The following EIF4G3 variants were observed in gnomAD, a reference collection of about 807,000 sequenced individuals.
The protein encoded by EIF4G3 is eIF-4-gamma 3.
EIF4G3 carries 34 observed loss-of-function variants against 186.4 expected under a neutral mutation model. That is an observed-to-expected ratio of 0.18 (90% CI 0.14 to 0.24). EIF4G3 has a LOEUF of 0.24. Ranked by LOEUF, EIF4G3 falls within the 10% of genes least tolerant of loss-of-function variation. The pLI, the probability that EIF4G3 is intolerant of heterozygous loss-of-function variation, is 1.00. For missense variants in EIF4G3, 1,536 were observed against 1,948.5 expected (o/e 0.79, Z 3.99); for synonymous variants, 673 against 679.5 (o/e 0.99, Z 0.15).
intron 6 of EIF4G3, 106 bp downstream of exon 6, chr1:21,001,093 C>T (rs1330603127): frequency 7.1e-6 from 3 of 422,786 alleles, no homozygotes; most frequent in Non-Finnish European, 1.5e-5. Flanking sequence ...AGAGAGGAAG[C>T]AATCAATGCA....
At chr1:21,060,875 T>C (rs2154578485) in intron 3 of EIF4G3, among the ~76,000 whole-genome samples, 1 of 152,284 alleles carries the variant, frequency 6.6e-6, no homozygotes, top group East Asian at 1.9e-4. Context: ...GATACTTTGT[T>C]TGAGCAGGTG....
chr1:21,144,194 T>C (rs2102700315), intron 2 of EIF4G3, among the ~76,000 whole-genome samples: 1 of 152,338 alleles, frequency 6.6e-6, no homozygotes, highest in Non-Finnish European at 1.5e-5. Context: ...TGGGTAATCT[T>C]TGGGAGATAA....
Position 20,985,908 on chromosome 1 carries a change from C to T in EIF4G3, c.178-3500G>A, listed in dbSNP as rs369462677. Among the ~76,000 whole-genome samples, 881 of 152,216 alleles carry T rather than the reference C, an allele frequency of 5.8e-3. 8 individuals are homozygous for T. Among genetic ancestry groups the T allele is most frequent in the South Asian group, 0.029 (139 of 4,826 alleles). ...ACTGTAAAACTCTTCCTTCTACTGG[C>T]CCCCAATTTTTCTCCCTATATCACC... On this transcript the variant is annotated intron_variant, in intron 7 of 36. Transcript: ENST00000602326.
chr1:21,070,734 C>A (rs1328937588), intron 3 of EIF4G3, among the ~76,000 whole-genome samples: 1 of 152,252 alleles, frequency 6.6e-6, no homozygotes, highest in Admixed American at 6.5e-5. Flanking sequence ...ATTGGAACCA[C>A]CCAAAAACTG....
At chr1:21,083,042 A>AAAAAG in intron 3 of EIF4G3, among the ~76,000 whole-genome samples, 1 of 14,136 alleles carries the variant, frequency 7.1e-5, no homozygotes, top group African/African-American at 1.0e-4. Flanking sequence ...TGTCTCAAAA[A>AAAAAG]AAAAAAAAAA....
intron 26 of EIF4G3, among the ~76,000 whole-genome samples, chr1:20,854,181 A>C (rs1030205343): frequency 1.3e-5 from 2 of 152,166 alleles, no homozygotes; most frequent in African/African-American, 2.4e-5. Flanking sequence ...GTGAGATCCA[A>C]ACATCTTTGG....
chr1:21,022,781 T>C (rs1057154617), intron 4 of EIF4G3, among the ~76,000 whole-genome samples: 1 of 152,222 alleles, frequency 6.6e-6, no homozygotes, highest in Admixed American at 6.5e-5. Flanking sequence ...GTCTCTCCAG[T>C]TGACCTACAG....
intron 4 of EIF4G3, among the ~76,000 whole-genome samples, chr1:21,018,730 T>C (rs2089926856): frequency 1.3e-5 from 2 of 152,102 alleles, no homozygotes; most frequent in Admixed American, 1.3e-4. Flanking sequence ...GAGTGAGTTC[T>C]CACTTAGTTC....
Position 20,857,409 on chromosome 1 carries a change from G to A in EIF4G3, c.3333C>T (p.Ile1111=), listed in dbSNP as rs202143636. The change falls in exon 25 of 37, where the codon ATC becomes ATT. Residue 1111 remains isoleucine, a synonymous_variant. Coordinates refer to ENST00000602326, the MANE Select transcript of EIF4G3 (RefSeq NM_001391906.1). Reference sequence around the variant, plus strand: ...CTTTAAATGTCAGACTCACCTTAGTGATTTTTAGGAATTTTGAGGGGTCCA... The same window carrying A: ...CTTTAAATGTCAGACTCACCTTAGTAATTTTTAGGAATTTTGAGGGGTCCA... ...RVLDPSKFLK[I]TKPTIDEKIQ... 3 of 1,613,746 alleles carry A rather than the reference G, an allele frequency of 1.9e-6. No homozygotes were observed. Among genetic ancestry groups the A allele is most frequent in the East Asian group, 4.5e-5 (2 of 44,866 alleles).
chr1:20,892,006 G>A (rs952041305), intron 18 of EIF4G3, among the ~76,000 whole-genome samples: 2 of 152,100 alleles, frequency 1.3e-5, no homozygotes, highest in Non-Finnish European at 2.9e-5. Flanking sequence ...GTTTTCGGTA[G>A]TTTTACAAAG....
chr1:21,176,584 G>GCCGCCT (rs2098115614), intron 1 of EIF4G3, 138 bp downstream of exon 1: 1 of 163,290 alleles, frequency 6.1e-6, no homozygotes. Context: ...CGCCGCCGCC[G>GCCGCCT]CCGCCGCCTC....
At chr1:20,845,450 C>A (rs562232535) in intron 29 of EIF4G3, among the ~76,000 whole-genome samples, 1 of 152,114 alleles carries the variant, frequency 6.6e-6, no homozygotes, top group African/African-American at 2.4e-5. Context: ...ATCACAAGGT[C>A]AGGAGATCAA....
chr1:20,961,327 G>A (rs1316271428), intron 12 of EIF4G3, among the ~76,000 whole-genome samples: 1 of 152,122 alleles, frequency 6.6e-6, no homozygotes, highest in Non-Finnish European at 1.5e-5. Context: ...AGGTTGCAGA[G>A]AGCCAAGATT....
At chr1:20,907,750 T>C (rs1290337789) in intron 14 of EIF4G3, among the ~76,000 whole-genome samples, 3 of 152,082 alleles carry the variant, frequency 2.0e-5, no homozygotes, top group Non-Finnish European at 4.4e-5. Context: ...TGCATAGTAT[T>C]CCATGGTGTA....
chr1:20,924,214 T>C (rs1188241938), intron 14 of EIF4G3, among the ~76,000 whole-genome samples: 1 of 152,222 alleles, frequency 6.6e-6, no homozygotes, highest in Non-Finnish European at 1.5e-5. Context: ...ATCTAGAGTC[T>C]GTTATTGAAA....
chr1:21,039,201 A>G (rs1291011199), intron 4 of EIF4G3, among the ~76,000 whole-genome samples: 1 of 152,232 alleles, frequency 6.6e-6, no homozygotes, highest in Non-Finnish European at 1.5e-5. Flanking sequence ...GGTAAAGGAC[A>G]GTCTTTTCAA....
intron 20 of EIF4G3, among the ~76,000 whole-genome samples, chr1:20,867,278 T>C (rs1467783421): frequency 6.6e-6 from 1 of 152,212 alleles, no homozygotes; most frequent in Non-Finnish European, 1.5e-5. Flanking sequence ...AGTGCTGGAA[T>C]ATGAGTCACA....
rs886832862 is a variant in EIF4G3 at position 20,810,388 on chromosome 1, TC to T, written c.4744+349del. ...CCAGGATGGTCTCGATCTCCTGACC[TC>T]ATGATCCATCTGCCTCGGCCTCCCA... On this transcript the variant is annotated intron_variant, in intron 36 of 36. Transcript: ENST00000602326. The surrounding 1 kb of genome is among the most constrained non-coding windows in gnomAD (Gnocchi z 4.1). Among the ~76,000 whole-genome samples, 9 of 152,146 alleles carry T rather than the reference TC, an allele frequency of 5.9e-5. No homozygotes were observed. Among genetic ancestry groups the T allele is most frequent in the African/African-American group, 2.2e-4 (9 of 41,436 alleles).
At chr1:21,098,231 AT>A (rs1164604100) in intron 2 of EIF4G3, among the ~76,000 whole-genome samples, 5 of 152,198 alleles carry the variant, frequency 3.3e-5, no homozygotes, top group African/African-American at 1.2e-4. Flanking sequence ...AAGATAAAGG[AT>A]TTGTATCTAG....
Sources: gnomAD v4.1 joint callset for allele counts (sites outside exome capture counted in the v4.1 genomes callset) on GRCh38, gnomAD v4.1.1 for gene constraint, Gnocchi (gnomAD v3.1) non-coding constraint, MANE v1.5 for transcripts, NCBI Gene and HGNC (gene_info 2026-07-23, HGNC 2026-07-21) for gene names.